GRM5: variants seen among roughly 807,000 people sequenced by gnomAD.
The protein encoded by GRM5 is metabotropic glutamate receptor 5.
GRM5 carries 19 observed loss-of-function variants against 83.1 expected under a neutral mutation model. That is an observed-to-expected ratio of 0.23 (90% CI 0.16 to 0.34). GRM5 has a LOEUF of 0.34. GRM5 is among the 10% of genes least tolerant of loss of function. The probability of loss-of-function intolerance (pLI) is 1.00; values close to 1 mark genes in which losing one functional copy is unlikely to be tolerated. For synonymous variants in GRM5, 675 were observed against 633.6 expected (o/e 1.07, Z -0.98); for missense variants, 1,160 against 1,588.3 (o/e 0.73, Z 4.58).
intron 1 of GRM5, among the ~76,000 whole-genome samples, chr11:89,054,721 G>A (rs1941835388): frequency 1.7e-5 from 2 of 116,742 alleles, no homozygotes; most frequent in Non-Finnish European, 3.5e-5. Context: ...GAAGTGAGGA[G>A]AGAGAAGCAG....
chr11:88,643,319 T>A (rs6483338), intron 4 of GRM5, among the ~76,000 whole-genome samples: 1 of 151,960 alleles, frequency 6.6e-6, no homozygotes, highest in African/African-American at 2.4e-5. Context: ...GCAAGAACAG[T>A]CTCAAGGGGA....
At chr11:88,557,148 G>C (rs1486752755) in intron 8 of GRM5, among the ~76,000 whole-genome samples, 4 of 152,064 alleles carry the variant, frequency 2.6e-5, no homozygotes, top group Non-Finnish European at 4.4e-5. Context: ...CTAACTAAAG[G>C]CTATTAGGCC....
intron 3 of GRM5, among the ~76,000 whole-genome samples, chr11:88,755,888 C>T (rs939695596): frequency 6.6e-6 from 1 of 152,134 alleles, no homozygotes; most frequent in Admixed American, 6.6e-5. Flanking sequence ...AAGTAGGATA[C>T]TGTGCCAGGT....
chr11:88,929,329 A>G (rs547877969), intron 2 of GRM5, among the ~76,000 whole-genome samples: 1 of 152,290 alleles, frequency 6.6e-6, no homozygotes, highest in East Asian at 1.9e-4. Context: ...GTAAAGCAAG[A>G]TTTAAACAAT....
At chr11:88,854,105 A>C (rs1425923129) in intron 2 of GRM5, among the ~76,000 whole-genome samples, 2 of 147,346 alleles carry the variant, frequency 1.4e-5, no homozygotes, top group African/African-American at 5.1e-5. Flanking sequence ...TCAGCCTAAA[A>C]ACCCTAAAAA....
intron 3 of GRM5, among the ~76,000 whole-genome samples, chr11:88,837,185 A>G (rs958684229): frequency 1.3e-5 from 2 of 152,230 alleles, no homozygotes; most frequent in Non-Finnish European, 2.9e-5. Flanking sequence ...TCTTGAAAAT[A>G]GAGAAAAACA....
At chr11:88,576,083 A>G (rs138963271) in intron 7 of GRM5, among the ~76,000 whole-genome samples, 1 of 152,222 alleles carries the variant, frequency 6.6e-6, no homozygotes, top group Non-Finnish European at 1.5e-5. Flanking sequence ...ACTTCCGGTC[A>G]TACTGCACAT....
At chr11:88,635,370 G>A (rs112057483) in intron 4 of GRM5, among the ~76,000 whole-genome samples, 9,141 of 152,182 alleles carry the variant, frequency 0.06, 256 homozygotes, top group Middle Eastern at 0.071. Flanking sequence ...CATTCTAACA[G>A]GTGTGAGATG....
At chr11:88,987,648 C>G (rs7113804) in intron 2 of GRM5, among the ~76,000 whole-genome samples, 4 of 151,290 alleles carry the variant, frequency 2.6e-5, no homozygotes, top group Non-Finnish European at 5.9e-5. Context: ...TCTCCCAGCA[C>G]GCAGCTGGAG....
At chr11:88,590,366 C>T (rs1018612463) in intron 7 of GRM5, among the ~76,000 whole-genome samples, 2 of 152,066 alleles carry the variant, frequency 1.3e-5, no homozygotes, top group African/African-American at 4.8e-5. Flanking sequence ...AGTAGACAAG[C>T]TAGGAATACT....
chr11:88,762,026 C>T (rs1942528199), intron 3 of GRM5, among the ~76,000 whole-genome samples: 1 of 152,032 alleles, frequency 6.6e-6, no homozygotes, highest in African/African-American at 2.4e-5. Flanking sequence ...CTTTCTCAAG[C>T]CATATACAAA....
chr11:88,994,610 G>GAAAAA (rs58691405), intron 2 of GRM5, among the ~76,000 whole-genome samples: 1 of 89,858 alleles, frequency 1.1e-5, no homozygotes, highest in African/African-American at 3.3e-5. Flanking sequence ...AAGCATTACA[G>GAAAAA]AAAAAAAAAA....
intron 2 of GRM5, among the ~76,000 whole-genome samples, chr11:88,937,353 C>G (rs1318245934): frequency 6.6e-6 from 1 of 151,520 alleles, no homozygotes; most frequent in Admixed American, 6.6e-5. Context: ...TAAAGTAATA[C>G]AGTATTTATA....
intron 4 of GRM5, among the ~76,000 whole-genome samples, chr11:88,648,144 C>T (rs572146482): frequency 2.6e-3 from 401 of 152,226 alleles, no homozygotes; most frequent in Non-Finnish European, 4.8e-3. Flanking sequence ...CCCACCATCC[C>T]ATTACTGGGT....
chr11:88,994,095 A>ACCC (rs1565326348), intron 2 of GRM5, among the ~76,000 whole-genome samples: 107 of 151,596 alleles, frequency 7.1e-4, no homozygotes, highest in Middle Eastern at 3.4e-3. Context: ...ATCCCCCCCA[A>ACCC]AAAAAATAAG....
chr11:88,680,815 T>C lies in GRM5; in HGVS notation c.912-27412A>G, dbSNP rs957989493. Among the ~76,000 whole-genome samples the C allele has an allele frequency of 3.3e-5, 5 of 152,306 alleles. 1 individual carries two copies. In the South Asian group the frequency reaches 1.0e-3, roughly 32 times the overall value. ...ACCCTTATTGTTTTCCTTCTAGGGC[T>C]TTCCTGATGGTCTAAAAAGCCCTCT... is the stretch of plus-strand genomic sequence containing the variant. On this transcript the variant is annotated intron_variant, in intron 3 of 9. Coordinates refer to ENST00000305447, the MANE Select transcript of GRM5 (RefSeq NM_001143831.3).
In GRM5 at chr11:88,718,587, ATAT is replaced by A. The variant is rs1941452901; in HGVS notation, c.912-65187_912-65185del. Among the ~76,000 whole-genome samples the A allele has an allele frequency of 2.0e-5, 3 of 151,940 alleles. No homozygotes were observed. In the South Asian group the frequency reaches 6.2e-4, roughly 32 times the overall value. On this transcript the variant is annotated intron_variant, in intron 3 of 9. Transcript: ENST00000305447. ...AAATGTTCTCTACAGAAAAGTTGAG[ATAT>A]TATTATTAGGCATTGTCATCTTTTA...
rs1417771906 is a variant in GRM5 at position 88,504,984 on chromosome 11, G to A, written c.*3608C>T. 5 of 152,050 alleles carry A rather than the reference G, an allele frequency of 3.3e-5. No individual in the cohort carries two copies. The highest frequency in any genetic ancestry group is 5.9e-5 in the Non-Finnish European group (4 of 67,978). 9.4% of individuals were successfully genotyped at this position (152,050 alleles called of 1,614,324 possible). On this transcript the variant is annotated 3_prime_UTR_variant, in exon 10 of 10. Coordinates refer to ENST00000305447, the MANE Select transcript of GRM5 (RefSeq NM_001143831.3). ...TAGATTTCTAATTACAACACCATCA[G>A]CAGCTGCCATTGATTTCTAGAAATA...
intron 2 of GRM5, among the ~76,000 whole-genome samples, chr11:88,997,106 C>A (rs573757729): frequency 6.6e-6 from 1 of 152,134 alleles, no homozygotes; most frequent in Admixed American, 6.5e-5. Flanking sequence ...AGGTAGATCA[C>A]CTGAGGTCAG....
Sources: allele counts gnomAD v4.1 joint callset (sites outside exome capture counted in the v4.1 genomes callset), GRCh38; gene constraint gnomAD v4.1.1; transcripts MANE v1.5; gene names NCBI Gene and HGNC (gene_info 2026-07-23, HGNC 2026-07-21).